The following NMNAT1 variants were observed in gnomAD, a reference collection of about 807,000 sequenced individuals.
NMNAT1 encodes the protein nicotinamide nucleotide adenylyltransferase 1, also known as nicotinamide/nicotinic acid mononucleotide adenylyltransferase 1.
In NMNAT1, 11 loss-of-function variants were observed where a neutral mutation model predicts 16.7. That is an observed-to-expected ratio of 0.66 (90% confidence interval 0.41 to 1.09). The LOEUF is 1.09. Ranked by LOEUF, NMNAT1 falls within the 50% of genes least tolerant of loss-of-function variation. The pLI is 0.00. For missense variants in NMNAT1, 280 were observed against 332.3 expected, an observed-to-expected ratio of 0.84 and a Z score of 1.22; for synonymous variants, 110 against 119.8, an observed-to-expected ratio of 0.92 and a Z score of 0.53.
Position 9,982,593 on chromosome 1 carries a change from C to T in NMNAT1, c.732C>T (p.Val244=). 1 of 1,614,104 alleles carries T rather than the reference C, an allele frequency of 6.2e-7. No homozygotes were observed. Among genetic ancestry groups the T allele is most frequent in the Non-Finnish European group, 8.5e-7 (1 of 1,180,032 alleles). ...QSIRYLVPDL[V]QEYIEKHNLY... is the part of the protein sequence containing the mutation. Reference sequence around the variant, plus strand: ...TTCGCTACTTGGTACCAGATCTTGTCCAAGAATACATTGAAAAGCATAATT... The same window carrying T: ...TTCGCTACTTGGTACCAGATCTTGTTCAAGAATACATTGAAAAGCATAATT... The change falls in exon 5 of 5, where the codon GTC becomes GTT. Residue 244 remains valine (V), a synonymous_variant. Coordinates refer to ENST00000377205, the MANE Select transcript of NMNAT1 (RefSeq NM_022787.4).
At chr1:9,972,227 C>G in intron 2 of NMNAT1, 39 bp downstream of exon 2, 2 of 1,106,654 alleles carry the variant, frequency 1.8e-6, no homozygotes. Flanking sequence ...GACTAGAGAA[C>G]CAGCCGGGTG....
At chr1:9,993,725 C>T in the NMNAT1 span, among the ~76,000 whole-genome samples, 2 of 152,068 alleles carry the variant, frequency 1.3e-5, no homozygotes, top group Non-Finnish European at 2.9e-5. Flanking sequence ...GGATTTTGGC[C>T]AGCAGAGAAG....
chr1:9,955,598 T>TC (rs1641239805), intron 1 of NMNAT1, among the ~76,000 whole-genome samples: 2 of 152,048 alleles, frequency 1.3e-5, no homozygotes, highest in South Asian at 4.2e-4. Context: ...AGAGTGAAAC[T>TC]CCATCTCAAA....
Position 9,962,677 on chromosome 1 carries a change from G to GTTTT in NMNAT1, c.-56-9322_-56-9319dup, listed in dbSNP as rs34747915. Among the ~76,000 whole-genome samples the GTTTT allele has an allele frequency of 1.8e-3, 131 of 74,218 alleles. 8 individuals are homozygous for GTTTT. Among genetic ancestry groups the GTTTT allele is most frequent in the African/African-American group, 3.6e-3 (59 of 16,498 alleles). 48.7% of individuals were successfully genotyped at this position (74,218 alleles called of 152,430 possible). On this transcript the variant is annotated intron_variant, in intron 1 of 4. Transcript: ENST00000377205. ...ATCAAGATCACACAACCAAATAAGG[G>GTTTT]TTTTTTTTTTTTTTTTTTTTTTGAG...
intron 1 of NMNAT1, among the ~76,000 whole-genome samples, chr1:9,962,531 C>A (rs1042198165): frequency 2.6e-5 from 4 of 151,544 alleles, no homozygotes; most frequent in Admixed American, 1.3e-4. Flanking sequence ...CTGTGCCAGG[C>A]AATATGCTAA....
chr1:9,971,956 C>A, intron 1 of NMNAT1, 62 bp from the exon 2 acceptor site: 1 of 685,630 alleles, frequency 1.5e-6, no homozygotes. Context: ...GGTGGCAGAG[C>A]AAGACCTTAT....
intron 1 of NMNAT1, among the ~76,000 whole-genome samples, chr1:9,951,736 A>G (rs1377532618): frequency 5.3e-5 from 8 of 152,112 alleles, no homozygotes; most frequent in Non-Finnish European, 1.2e-4. Flanking sequence ...CAGCCTTCCA[A>G]AGTACTGGGA....
Position 9,959,676 on chromosome 1 carries a change from T to TC in NMNAT1, c.-56-12336dup, listed in dbSNP as rs914795278. Among the ~76,000 whole-genome samples the TC allele has an allele frequency of 8.6e-5, 13 of 151,650 alleles. 1 individual carries two copies. Among genetic ancestry groups the TC allele is most frequent in the Admixed American group, 5.3e-4 (8 of 15,182 alleles). ...CCAGCCTGGCGACAACGAGACTCTG[T>TC]CCCCCCACCAAAAAAAGAAAAGAAA... On this transcript the variant is annotated intron_variant, in intron 1 of 4. Transcript: ENST00000377205.
Position 9,981,140 on chromosome 1 carries a change from C to A in NMNAT1, c.409C>A (p.Gln137Lys), listed in dbSNP as rs1304718955. The part of the protein sequence containing the change: ...RKWTETQDSS[Q>K]KKSLEPKTKA... ...GTGGACTGAAACACAAGATTCTAGT[C>A]AAAAGAAATCCCTAGAGCCAAAAAC... The change falls in exon 4 of 5, where the codon CAA becomes AAA. Residue 137 changes from glutamine (Q) to lysine (K), a missense_variant. Physicochemically the swap from Gln to Lys is moderately conservative, Grantham distance 53. Transcript: ENST00000377205. 1 of 1,612,900 alleles carries A rather than the reference C, an allele frequency of 6.2e-7. No homozygotes were observed. The highest frequency in any genetic ancestry group is 1.7e-4 in the Middle Eastern group (1 of 6,056).
At chr1:9,993,625 C>A in the NMNAT1 span, among the ~76,000 whole-genome samples, 1 of 151,972 alleles carries the variant, frequency 6.6e-6, no homozygotes, top group Non-Finnish European at 1.5e-5. Flanking sequence ...AGCAGCAGGT[C>A]CAGATGAAAG....
At chr1:9,995,937 G>A in the NMNAT1 span, among the ~76,000 whole-genome samples, 2 of 151,920 alleles carry the variant, frequency 1.3e-5, no homozygotes, top group Non-Finnish European at 2.9e-5. Context: ...GCTGAGGCAG[G>A]AGAATCACTT....
At chr1:9,989,228 C>T (rs1369259990), downstream of NMNAT1, among the ~76,000 whole-genome samples, 6 of 152,052 alleles carry the variant, frequency 3.9e-5, no homozygotes, top group African/African-American at 7.2e-5. Flanking sequence ...GAGGCCAGGG[C>T]GGGCAGATCA....
chr1:9,959,406 G>C (rs1391835281), intron 1 of NMNAT1, among the ~76,000 whole-genome samples: 3 of 148,696 alleles, frequency 2.0e-5, no homozygotes, highest in Middle Eastern at 7.2e-3. Context: ...AAAGAGGCCG[G>C]GTGCGGTGAC....
chr1:9,981,310 C>T (rs2101713904), intron 4 of NMNAT1, 140 bp downstream of exon 4: 2 of 1,328,174 alleles, frequency 1.5e-6, no homozygotes, highest in Non-Finnish European at 2.0e-6. Flanking sequence ...TCTCAGCTCA[C>T]TGCAAGCTCT....
intron 1 of NMNAT1, among the ~76,000 whole-genome samples, chr1:9,954,015 A>G (rs1347042402): frequency 1.3e-5 from 2 of 151,058 alleles, no homozygotes; most frequent in Non-Finnish European, 2.9e-5. Context: ...CATGTTGGCC[A>G]GGCTGGTCTT....
At chr1:9,967,425 C>G (rs1172002128) in intron 1 of NMNAT1, 1 of 153,568 alleles carries the variant, frequency 6.5e-6, no homozygotes, top group Non-Finnish European at 1.5e-5. Context: ...TATGAGAGAT[C>G]AACCCTTTAT....
In NMNAT1 at chr1:9,983,473, G is replaced by A. The variant is rs1265418376; in HGVS notation, c.*772G>A. ...AGTTCAAGACCAGCCTGGCCAATAT[G>A]GTGAAACCCCATCTCTACTAAGAAT... On this transcript the variant is annotated 3_prime_UTR_variant, in exon 5 of 5. Transcript: ENST00000377205. The A allele has an allele frequency of 6.6e-6, 1 of 151,484 alleles. No individual in the cohort carries two copies. The highest frequency in any genetic ancestry group is 1.5e-5 in the Non-Finnish European group (1 of 67,998). The allele number at this position is 151,484 out of a possible 1,614,324, so 9.4% of individuals were successfully genotyped here. A position where few individuals can be genotyped will look rare whatever the true frequency, so the allele number is the denominator to read the frequency against.
At chr1:9,953,404 G>A (rs1467270022) in intron 1 of NMNAT1, among the ~76,000 whole-genome samples, 1 of 150,756 alleles carries the variant, frequency 6.6e-6, no homozygotes, top group Non-Finnish European at 1.5e-5. Flanking sequence ...AGCCTCCTGA[G>A]TAGCTGGGAT....
chr1:9,952,728 A>G (rs2101645690), intron 1 of NMNAT1, among the ~76,000 whole-genome samples: 1 of 151,910 alleles, frequency 6.6e-6, no homozygotes, highest in Admixed American at 6.6e-5. Flanking sequence ...TAGTAGAGAC[A>G]GGGTTTCACC....
Sources: allele counts gnomAD v4.1 joint callset (sites outside exome capture counted in the v4.1 genomes callset), GRCh38; gene constraint gnomAD v4.1.1; transcripts MANE v1.5; gene names NCBI Gene and HGNC (gene_info 2026-07-23, HGNC 2026-07-21).